Variants in NFATC2 observed in about 807,000 individuals in gnomAD.
NFATC2 encodes the protein nuclear factor of activated T cells 2, also known as nuclear factor of activated T-cells, cytoplasmic 2.
In NFATC2, 22 loss-of-function variants were observed where a neutral mutation model predicts 87.3. The observed-to-expected ratio is 0.25, with a 90% CI of 0.18 to 0.36. The LOEUF is 0.36. Ranked by LOEUF, NFATC2 falls within the 10% of genes least tolerant of loss-of-function variation. The pLI, the probability that NFATC2 is intolerant of heterozygous loss-of-function variation, is 1.00. For synonymous variants in NFATC2, 565 were observed against 542.2 expected (o/e 1.04, Z -0.58); for missense variants, 1,149 against 1,259.1 (o/e 0.91, Z 1.32).
intron 3 of NFATC2, among the ~76,000 whole-genome samples, chr20:51,476,809 C>T (rs1028124998): frequency 3.9e-5 from 6 of 152,284 alleles, no homozygotes; most frequent in Non-Finnish European, 5.9e-5. Flanking sequence ...AGTTTGACTT[C>T]TAAACAAACA....
chr20:51,391,763 A>C (rs1209688252), intron 10 of NFATC2, among the ~76,000 whole-genome samples: 9 of 151,954 alleles, frequency 5.9e-5, no homozygotes, highest in Admixed American at 3.9e-4. Context: ...CGATCCTCCC[A>C]CCTGAGCCTC....
intron 3 of NFATC2, among the ~76,000 whole-genome samples, chr20:51,478,517 T>A (rs890076846): frequency 6.6e-6 from 1 of 152,268 alleles, no homozygotes; most frequent in Non-Finnish European, 1.5e-5. Context: ...TACAGCTCCA[T>A]GTGAATCCAG....
intron 3 of NFATC2, among the ~76,000 whole-genome samples, chr20:51,506,421 A>G (rs1183085049): frequency 2.6e-5 from 4 of 152,114 alleles, no homozygotes; most frequent in Non-Finnish European, 5.9e-5. Flanking sequence ...AATGACTTTG[A>G]CATTCGCAAT....
At chr20:51,430,878 A>G (rs1982605806) in intron 9 of NFATC2, among the ~76,000 whole-genome samples, 1 of 152,132 alleles carries the variant, frequency 6.6e-6, no homozygotes, top group Non-Finnish European at 1.5e-5. Flanking sequence ...AATTTTCTGA[A>G]ATAATTGAGG....
intron 5 of NFATC2, among the ~76,000 whole-genome samples, chr20:51,460,308 C>A (rs78301570): frequency 2.0e-5 from 3 of 152,146 alleles, no homozygotes; most frequent in African/African-American, 4.8e-5. Context: ...GTGTTGGACA[C>A]CCCCCTGGTT....
In NFATC2 at chr20:51,523,775, G is replaced by T; in HGVS notation, c.466C>A (p.Pro156Thr). Residue 156 changes from proline to threonine, a missense_variant, in exon 2 of 11, where the codon CCC becomes ACC. Pro to Thr is a conservative substitution (Grantham distance 38). Around this residue, in one of 3 missense-constraint regions of NFATC2, gnomAD observed 563 missense variants for 585.2 expected, o/e 0.96. Transcript: ENST00000371564. This position sits in a 1 kb window ranked among gnomAD's most constrained non-coding sequence, Gnocchi z 6.9. The part of the protein sequence containing the change: ...AASPRFTLPV[P>T]GFEGYREPLC... ...GGCTCGCGGTAGCCCTCGAAGCCGG[G>T]CACGGGCAGGGTGAACCTCGGGCTG... 6.2e-7 allele frequency: 1 copy of T among 1,609,340 alleles called. No homozygotes were observed. The highest frequency in any genetic ancestry group is 1.1e-5 in the South Asian group (1 of 90,874).
intron 10 of NFATC2, 146 bp downstream of exon 10, chr20:51,398,496 AG>A: frequency 3.6e-6 from 2 of 559,724 alleles, no homozygotes; most frequent in Middle Eastern, 4.8e-4. Context: ...TCAGGAGTGG[AG>A]GGGTCTAGCC....
At chr20:51,527,961 G>A (rs569786049) in intron 1 of NFATC2, among the ~76,000 whole-genome samples, 5 of 151,592 alleles carry the variant, frequency 3.3e-5, no homozygotes, top group African/African-American at 7.3e-5. Context: ...TTCATTAGCT[G>A]GGCATGGTGG....
At position 51,399,562 on chromosome 20, in the gene NFATC2, T is replaced by TAAATGAGATCCTTTCAGCGC. The variant is rs1987760476; in HGVS notation, c.2723-852_2723-833dup. ...TCTTCAAGGGAGACAGAATGCTCAA[T>TAAATGAGATCCTTTCAGCGC]AAATGAGATCCTTTCAGCGCTTATG... is the stretch of plus-strand genomic sequence containing the variant. On this transcript the variant is annotated intron_variant, in intron 9 of 10. Coordinates refer to ENST00000371564, the MANE Select transcript of NFATC2 (RefSeq NM_012340.5). 2.0e-5 allele frequency among the ~76,000 whole-genome samples: 3 copies of TAAATGAGATCCTTTCAGCGC among 152,236 alleles called. No homozygotes were observed. In the South Asian group the frequency reaches 6.2e-4, roughly 31 times the overall value.
chr20:51,557,758 C>CTCAT lies in NFATC2; in HGVS notation c.70+4798_70+4801dup, dbSNP rs573231857. On this transcript the variant is annotated intron_variant, in intron 1 of 10. Coordinates refer to the NFATC2 transcript ENST00000414705. Reference sequence around the variant, plus strand: ...TCTCCTGTGCTGCACTCATTCCTAACTCATTCATTCATCCATCCATTTAAC... The same window carrying CTCAT: ...TCTCCTGTGCTGCACTCATTCCTAACTCATTCATTCATTCATCCATCCATTTAAC... Among the ~76,000 whole-genome samples the CTCAT allele has an allele frequency of 2.2e-3, 332 of 152,334 alleles. 2 individuals carry two copies. The highest frequency in any genetic ancestry group is 7.6e-3 in the African/African-American group (316 of 41,574).
At chr20:51,487,565 C>A (rs983476000) in intron 3 of NFATC2, among the ~76,000 whole-genome samples, 3 of 152,206 alleles carry the variant, frequency 2.0e-5, no homozygotes. Context: ...CCACCAGAGA[C>A]ATCTGGATGA....
At chr20:51,474,896 A>G (rs905657518) in intron 4 of NFATC2, among the ~76,000 whole-genome samples, 8 of 152,128 alleles carry the variant, frequency 5.3e-5, no homozygotes, top group Admixed American at 3.9e-4. Context: ...ACCTGATCCC[A>G]TGCAACATAA....
At chr20:51,434,503 C>A (rs751564326) in intron 8 of NFATC2, among the ~76,000 whole-genome samples, 1 of 152,178 alleles carries the variant, frequency 6.6e-6, no homozygotes, top group Non-Finnish European at 1.5e-5. Context: ...ACCTTTTCTA[C>A]AGCCCCAATC....
intron 9 of NFATC2, among the ~76,000 whole-genome samples, chr20:51,429,808 G>C (rs1982424724): frequency 6.6e-6 from 1 of 152,110 alleles, no homozygotes; most frequent in Admixed American, 6.5e-5. Flanking sequence ...TCAGAAAATA[G>C]CTCCTAACAT....
At chr20:51,489,754 T>G (rs2075850507) in intron 3 of NFATC2, among the ~76,000 whole-genome samples, 1 of 151,892 alleles carries the variant, frequency 6.6e-6, no homozygotes, top group South Asian at 2.1e-4. Flanking sequence ...GTACAAAGAG[T>G]CAGATGATTC....
At chr20:51,435,480 C>A (rs1228074895) in intron 7 of NFATC2, among the ~76,000 whole-genome samples, 166 bp from the exon 8 acceptor site, 1 of 151,978 alleles carries the variant, frequency 6.6e-6, no homozygotes, top group African/African-American at 2.4e-5. Context: ...TCAGCGGCAG[C>A]AAAAAATAAT....
At chr20:51,549,446 T>A (rs1315416245) in intron 1 of NFATC2, among the ~76,000 whole-genome samples, 2 of 152,188 alleles carry the variant, frequency 1.3e-5, no homozygotes, top group East Asian at 3.8e-4. Context: ...CTAATTTGAG[T>A]TCTTTACAAC....
At chr20:51,535,744 G>T (rs1020547086) in intron 1 of NFATC2, among the ~76,000 whole-genome samples, 3 of 152,048 alleles carry the variant, frequency 2.0e-5, no homozygotes, top group Non-Finnish European at 2.9e-5. Context: ...CAGACTTGGG[G>T]TTTTTTTTCC....
intron 9 of NFATC2, among the ~76,000 whole-genome samples, chr20:51,406,288 G>C (rs1053571216): frequency 9.2e-5 from 14 of 152,230 alleles, no homozygotes; most frequent in African/African-American, 3.4e-4. Flanking sequence ...TCTGAATGCA[G>C]CTCAGCACAA....
Sources: gnomAD v4.1 joint callset for allele counts (sites outside exome capture counted in the v4.1 genomes callset) on GRCh38, gnomAD v4.1.1 for gene constraint, gnomAD v4.1.1 regional missense constraint, Gnocchi (gnomAD v3.1) non-coding constraint, MANE v1.5 for transcripts, NCBI Gene and HGNC (gene_info 2026-07-23, HGNC 2026-07-21) for gene names.